Variants in HS6ST3 observed in about 807,000 individuals in gnomAD.
The protein encoded by HS6ST3 is heparan-sulfate 6-O-sulfotransferase 3.
A neutral mutation model predicts 36.7 loss-of-function variants in HS6ST3; 12 were observed. The observed-to-expected ratio is 0.33, with a 90% CI of 0.21 to 0.53. The LOEUF (loss-of-function observed/expected upper bound fraction) is 0.53, where lower values mean the gene tolerates loss of function less well. Ranked by LOEUF, HS6ST3 falls within the 20% of genes least tolerant of loss-of-function variation. HS6ST3 has a pLI of 0.95. For missense variants in HS6ST3, 584 were observed against 640.9 expected (o/e 0.91, Z 0.96); for synonymous variants, 240 against 257.5 (o/e 0.93, Z 0.65).
intron 1 of HS6ST3, among the ~76,000 whole-genome samples, chr13:96,472,408 G>A (rs1364659572): frequency 6.6e-6 from 1 of 152,106 alleles, no homozygotes; most frequent in Non-Finnish European, 1.5e-5. Context: ...AGCATATCTT[G>A]CATGCTGTTC....
intron 1 of HS6ST3, among the ~76,000 whole-genome samples, chr13:96,194,238 G>C (rs1270355346): frequency 6.6e-6 from 1 of 152,084 alleles, no homozygotes; most frequent in African/African-American, 2.4e-5. Context: ...TGTAGGAAAT[G>C]CATTGTGTCT....
At chr13:96,210,922 A>G (rs1207168577) in intron 1 of HS6ST3, among the ~76,000 whole-genome samples, 15 of 148,380 alleles carry the variant, frequency 1.0e-4, no homozygotes, top group Admixed American at 7.4e-4. Flanking sequence ...TATCATTTCT[A>G]TGATTATTAT....
chr13:96,230,043 G>A (rs920637997), intron 1 of HS6ST3, among the ~76,000 whole-genome samples: 1 of 152,192 alleles, frequency 6.6e-6, no homozygotes, highest in African/African-American at 2.4e-5. Flanking sequence ...TAGAGCATGG[G>A]AGGAACATGT....
Position 96,837,338 on chromosome 13 carries a change from A to G in HS6ST3, c.*4140A>G, listed in dbSNP as rs1878951804. On this transcript the variant is annotated 3_prime_UTR_variant, in exon 2 of 2. Coordinates refer to ENST00000376705, the MANE Select transcript of HS6ST3 (RefSeq NM_153456.4). Reference sequence around the variant, plus strand: ...TGTGCTGTCTCATTTGGTCCTCATTACATTCTTGTGTGCTAAATAGGACCT... The same window carrying G: ...TGTGCTGTCTCATTTGGTCCTCATTGCATTCTTGTGTGCTAAATAGGACCT... 2 of 152,226 alleles carry G rather than the reference A, an allele frequency of 1.3e-5. No homozygotes were observed. 9.4% of individuals were successfully genotyped at this position (152,226 alleles called of 1,614,324 possible).
intron 1 of HS6ST3, among the ~76,000 whole-genome samples, chr13:96,352,092 G>A (rs1448147924): frequency 6.6e-6 from 1 of 152,192 alleles, no homozygotes; most frequent in Non-Finnish European, 1.5e-5. Context: ...TCAATAATAT[G>A]AGGAGGTCCA....
intron 1 of HS6ST3, among the ~76,000 whole-genome samples, chr13:96,307,983 AAG>A (rs150568493): frequency 0.013 from 2,033 of 152,190 alleles, 44 homozygotes; most frequent in African/African-American, 0.047. Flanking sequence ...ATTTATTTTA[AAG>A]AGAGAGAGAA....
intron 1 of HS6ST3, among the ~76,000 whole-genome samples, chr13:96,111,221 A>G (rs2053867017): frequency 6.6e-6 from 1 of 152,230 alleles, no homozygotes; most frequent in Non-Finnish European, 1.5e-5. Flanking sequence ...TTTAGCATAT[A>G]TAATTAAGAA....
chr13:96,383,243 G>A (rs1057403731), intron 1 of HS6ST3, among the ~76,000 whole-genome samples: 1 of 152,188 alleles, frequency 6.6e-6, no homozygotes, highest in African/African-American at 2.4e-5. Flanking sequence ...CTTGAGCTCA[G>A]GAGTTCGAGA....
chr13:96,600,212 G>C (rs2056416365), intron 1 of HS6ST3, among the ~76,000 whole-genome samples: 1 of 151,854 alleles, frequency 6.6e-6, no homozygotes, highest in African/African-American at 2.4e-5. Context: ...AATGCTGTCA[G>C]TAGAGTGTCT....
At chr13:96,507,647 C>T (rs1048513581) in intron 1 of HS6ST3, among the ~76,000 whole-genome samples, 8 of 151,920 alleles carry the variant, frequency 5.3e-5, no homozygotes, top group African/African-American at 1.9e-4. Flanking sequence ...CCTTGCTATT[C>T]TACTTTATTT....
intron 1 of HS6ST3, among the ~76,000 whole-genome samples, chr13:96,412,799 A>G (rs550517271): frequency 6.6e-6 from 1 of 151,552 alleles, no homozygotes; most frequent in African/African-American, 2.4e-5. Flanking sequence ...ATTAAAACCC[A>G]CAAATTTCCA....
At chr13:96,246,097 G>A (rs2054583794) in intron 1 of HS6ST3, among the ~76,000 whole-genome samples, 2 of 152,154 alleles carry the variant, frequency 1.3e-5, no homozygotes, top group African/African-American at 4.8e-5. Context: ...TAATATGTAT[G>A]TAGATACATG....
intron 1 of HS6ST3, among the ~76,000 whole-genome samples, chr13:96,162,022 G>T (rs1203111120): frequency 1.3e-5 from 2 of 151,960 alleles, no homozygotes; most frequent in African/African-American, 4.8e-5. Flanking sequence ...CATTTATGAA[G>T]AACCTACTTA....
intron 1 of HS6ST3, among the ~76,000 whole-genome samples, chr13:96,412,205 A>T (rs1331706072): frequency 6.6e-6 from 1 of 151,998 alleles, no homozygotes; most frequent in Non-Finnish European, 1.5e-5. Flanking sequence ...GGGTTTTACC[A>T]TGTTGGCCAG....
intron 1 of HS6ST3, among the ~76,000 whole-genome samples, chr13:96,337,327 G>A (rs972591680): frequency 1.4e-4 from 22 of 152,216 alleles, no homozygotes; most frequent in Non-Finnish European, 1.6e-4. Context: ...CGCCTGTCTC[G>A]GCCTCCCAAA....
chr13:96,774,076 C>T (rs1877334345), intron 1 of HS6ST3, among the ~76,000 whole-genome samples: 2 of 152,072 alleles, frequency 1.3e-5, no homozygotes, highest in Admixed American at 6.5e-5. Flanking sequence ...AGCCAATATG[C>T]AGAAAAGGGG....
At chr13:96,511,101 C>T (rs1382206795) in intron 1 of HS6ST3, among the ~76,000 whole-genome samples, 2 of 152,114 alleles carry the variant, frequency 1.3e-5, no homozygotes, top group Non-Finnish European at 2.9e-5. Flanking sequence ...TGACTCAGCA[C>T]ACTGAGATGC....
intron 1 of HS6ST3, among the ~76,000 whole-genome samples, chr13:96,418,770 A>G (rs1566355804): frequency 6.6e-6 from 1 of 152,206 alleles, no homozygotes; most frequent in East Asian, 1.9e-4. Context: ...TCTGAGCTCT[A>G]CCAGGTGGTA....
rs143443662 is a variant in HS6ST3, at chr13:96,383,686, G to A, written c.707+292117G>A. On this transcript the variant is annotated intron_variant, in intron 1 of 1. Coordinates refer to ENST00000376705, the MANE Select transcript of HS6ST3 (RefSeq NM_153456.4). ...ACTATGAAAGGCTCAAATCCTGGGG[G>A]CCAAACAGTTCTGCAAGGGGACCCC... is the stretch of plus-strand genomic sequence containing the variant. 6.2e-3 allele frequency among the ~76,000 whole-genome samples: 933 copies of A among 151,630 alleles called. 8 individuals are homozygous for A. The highest frequency in any genetic ancestry group is 8.8e-3 in the Non-Finnish European group (600 of 67,842).
Sources: gnomAD v4.1 joint callset for allele counts (sites outside exome capture counted in the v4.1 genomes callset) on GRCh38, gnomAD v4.1.1 for gene constraint, MANE v1.5 for transcripts, NCBI Gene and HGNC (gene_info 2026-07-23, HGNC 2026-07-21) for gene names.